Variants in DENND1A observed in about 807,000 individuals in gnomAD.
The protein encoded by DENND1A is DENN domain containing 1A.
In DENND1A, 51 loss-of-function variants were observed where a neutral mutation model predicts 113.7. The ratio of observed to expected loss-of-function variants is 0.45; its 90% CI spans 0.36 to 0.57. The LOEUF (loss-of-function observed/expected upper bound fraction) is 0.57, where lower values mean the gene tolerates loss of function less well. DENND1A is among the 20% of genes least tolerant of loss of function. The probability of loss-of-function intolerance (pLI) is 0.00; values close to 1 mark genes in which losing one functional copy is unlikely to be tolerated. For missense variants in DENND1A, 1,258 were observed against 1,395.9 expected (o/e 0.90, Z 1.57); for synonymous variants, 565 against 570.8 (o/e 0.99, Z 0.14).
At chr9:123,524,345 T>C (rs1011690386) in intron 13 of DENND1A, among the ~76,000 whole-genome samples, 2 of 152,208 alleles carry the variant, frequency 1.3e-5, no homozygotes, top group Non-Finnish European at 2.9e-5. Context: ...TTCAATGATA[T>C]CTGCGGGTTG....
intron 1 of DENND1A, among the ~76,000 whole-genome samples, chr9:123,891,534 C>T (rs1403502671): frequency 1.3e-5 from 2 of 152,130 alleles, no homozygotes; most frequent in Non-Finnish European, 2.9e-5. Context: ...GATTTTGGAA[C>T]TACTATAAAA....
chr9:123,466,863 C>T (rs1261878647), intron 13 of DENND1A, among the ~76,000 whole-genome samples: 2 of 135,680 alleles, frequency 1.5e-5, no homozygotes, highest in East Asian at 2.2e-4. Context: ...AGAGAGACCC[C>T]GTCTAGACCC....
At chr9:123,382,741 T>C (rs2042347084) in intron 23 of DENND1A, 116 bp from the exon 24 acceptor site, 1 of 1,142,856 alleles carries the variant, frequency 8.8e-7, no homozygotes, top group South Asian at 1.5e-5. Flanking sequence ...GTGTGGCTGA[T>C]CAGCTCCTCG....
At position 123,652,127 on chromosome 9, in the gene DENND1A, G is replaced by T. The variant is rs766852198; in HGVS notation, c.508-4C>A. On this transcript the variant is annotated splice_region_variant and splice_polypyrimidine_tract_variant and intron_variant, in intron 8 of 23. Coordinates refer to ENST00000394215, the MANE Select transcript of DENND1A (RefSeq NM_001352964.2). ...CAAAATATTCTGTCAGATTTCTCTA[G>T]GAGAAAGAAGAAGGCACGGTTTGTG... The T allele has an allele frequency of 2.5e-6, 4 of 1,613,144 alleles. No homozygotes were observed. The African/African-American group carries it at 5.3e-5, about 22-fold the overall frequency.
chr9:123,829,589 G>T (rs1202003565), intron 2 of DENND1A, among the ~76,000 whole-genome samples: 1 of 151,606 alleles, frequency 6.6e-6, no homozygotes, highest in East Asian at 1.9e-4. Flanking sequence ...GATAGGAAAA[G>T]AAAATCAAAC....
chr9:123,713,267 C>G (rs1414700728), intron 5 of DENND1A, among the ~76,000 whole-genome samples: 8 of 152,190 alleles, frequency 5.3e-5, no homozygotes, highest in African/African-American at 1.9e-4. Context: ...AACGGTACAG[C>G]ATGAAAGTCT....
chr9:123,728,019 T>G (rs1285083587), intron 5 of DENND1A, among the ~76,000 whole-genome samples: 3 of 148,788 alleles, frequency 2.0e-5, no homozygotes, highest in Non-Finnish European at 4.5e-5. Flanking sequence ...GGCAGGAGAA[T>G]GGCATGAACC....
At chr9:123,605,631 T>C (rs952011437) in intron 11 of DENND1A, among the ~76,000 whole-genome samples, 1 of 152,326 alleles carries the variant, frequency 6.6e-6, no homozygotes, top group East Asian at 1.9e-4. Flanking sequence ...GGCGATCAGG[T>C]ATACACTTGT....
intron 19 of DENND1A, among the ~76,000 whole-genome samples, chr9:123,420,060 G>A (rs943426153): frequency 1.3e-5 from 2 of 152,236 alleles, no homozygotes; most frequent in African/African-American, 2.4e-5. Flanking sequence ...TGTCACTCTA[G>A]AGGGATATTC....
chr9:123,602,411 G>A (rs2059973279), intron 11 of DENND1A, among the ~76,000 whole-genome samples: 1 of 151,920 alleles, frequency 6.6e-6, no homozygotes, highest in African/African-American at 2.4e-5. Context: ...ATGAATCTGT[G>A]GACATGGAAC....
chr9:123,387,878 AAG>A lies in DENND1A; in HGVS notation c.1632-22_1632-21del. The A allele has an allele frequency of 7.8e-7, 1 of 1,288,590 alleles. No individual in the cohort carries two copies. Among genetic ancestry groups the A allele is most frequent in the Non-Finnish European group, 1.0e-6 (1 of 987,676 alleles). 79.8% of individuals were successfully genotyped at this position (1,288,590 alleles called of 1,614,324 possible). ...ACCAGGCTGGGGCAGAGGAAGACAA[AAG>A]AGAAGAGAACAGGCAGTTAGGGGCG... On this transcript the variant is annotated intron_variant, in intron 21 of 23. Coordinates refer to ENST00000394215, the MANE Select transcript of DENND1A (RefSeq NM_001352964.2).
chr9:123,672,363 C>A (rs2063806524), intron 6 of DENND1A, among the ~76,000 whole-genome samples: 1 of 151,984 alleles, frequency 6.6e-6, no homozygotes, highest in African/African-American at 2.4e-5. Flanking sequence ...TTTGGTTTTG[C>A]TCTGAAACAA....
intron 19 of DENND1A, among the ~76,000 whole-genome samples, chr9:123,432,476 C>G (rs2046208347): frequency 6.6e-6 from 1 of 152,192 alleles, no homozygotes; most frequent in African/African-American, 2.4e-5. Context: ...GAAGGGAGGG[C>G]ACTGTCACGG....
At chr9:123,564,627 T>G (rs2057945846) in intron 12 of DENND1A, among the ~76,000 whole-genome samples, 1 of 152,250 alleles carries the variant, frequency 6.6e-6, no homozygotes, top group Non-Finnish European at 1.5e-5. Context: ...CTTTCTGCAG[T>G]GATGGAAATA....
rs2048251164 is a variant in DENND1A, at chr9:123,457,856, G to A, written c.1035C>T (p.His345=). The stretch of plus-strand genomic sequence containing the variant: ...ACTGCCTCATGGCTCCGGAGCGGTA[G>A]TGGGACACGAAGGCTTCCTCACAGA... The part of the protein sequence containing the change: ...ITFCEEAFVS[H]YRSGAMRQFL... Residue 345 remains histidine, a synonymous_variant, in exon 14 of 24, where the codon CAC becomes CAT. Coordinates refer to ENST00000394215, the MANE Select transcript of DENND1A (RefSeq NM_001352964.2). 6.2e-7 allele frequency: 1 copy of A among 1,612,840 alleles called. No individual in the cohort carries two copies. Among genetic ancestry groups the A allele is most frequent in the East Asian group, 2.2e-5 (1 of 44,840 alleles).
chr9:123,588,958 G>A (rs959194013), intron 11 of DENND1A, among the ~76,000 whole-genome samples: 1 of 151,880 alleles, frequency 6.6e-6, no homozygotes, highest in South Asian at 2.1e-4. Context: ...ACTAGAGATG[G>A]GGTTTCACCA....
chr9:123,559,639 C>T (rs2057623539), intron 12 of DENND1A, among the ~76,000 whole-genome samples: 1 of 152,094 alleles, frequency 6.6e-6, no homozygotes, highest in Non-Finnish European at 1.5e-5. Context: ...GGTCTTGTAC[C>T]CAAGCTTCTG....
intron 3 of DENND1A, among the ~76,000 whole-genome samples, chr9:123,787,733 T>G (rs368277508): frequency 2.7e-4 from 41 of 152,276 alleles, no homozygotes; most frequent in African/African-American, 8.9e-4. Flanking sequence ...TTTAACTGCC[T>G]ATAGTGAAAT....
intron 13 of DENND1A, among the ~76,000 whole-genome samples, chr9:123,491,557 G>A (rs1258474865): frequency 6.6e-6 from 1 of 152,140 alleles, no homozygotes; most frequent in Non-Finnish European, 1.5e-5. Context: ...TTAGCTTGCT[G>A]GGTCTCAGCT....
Sources: allele counts gnomAD v4.1 joint callset (sites outside exome capture counted in the v4.1 genomes callset), GRCh38; gene constraint gnomAD v4.1.1; transcripts MANE v1.5; gene names NCBI Gene and HGNC (gene_info 2026-07-23, HGNC 2026-07-21).